Variants in TRAPPC9 observed in about 807,000 individuals in gnomAD.
TRAPPC9 encodes the protein trafficking protein particle complex subunit 9, also known as IKK2 binding protein.
Under a neutral mutation model 124.0 loss-of-function variants are expected in TRAPPC9, and 83 were observed. That is an observed-to-expected ratio of 0.67 (90% confidence interval 0.56 to 0.80). The LOEUF (loss-of-function observed/expected upper bound fraction) is 0.80, where lower values mean the gene tolerates loss of function less well. TRAPPC9 is among the 30% of genes least tolerant of loss of function. The probability of loss-of-function intolerance (pLI) is 0.00; values close to 1 mark genes in which losing one functional copy is unlikely to be tolerated. For synonymous variants in TRAPPC9, 638 were observed against 617.5 expected, an observed-to-expected ratio of 1.03 and a Z score of -0.49; for missense variants, 1,302 against 1,508.3, an observed-to-expected ratio of 0.86 and a Z score of 2.27.
chr8:140,074,321 A>G (rs1248032184), intron 17 of TRAPPC9, among the ~76,000 whole-genome samples: 1 of 152,178 alleles, frequency 6.6e-6, no homozygotes, highest in Non-Finnish European at 1.5e-5. Context: ...TCAGAACTCC[A>G]GTGGTCACAG....
At chr8:140,176,647 CGT>C (rs2062078165) in intron 17 of TRAPPC9, among the ~76,000 whole-genome samples, 1 of 152,160 alleles carries the variant, frequency 6.6e-6, no homozygotes, top group Non-Finnish European at 1.5e-5. Flanking sequence ...TGAGTGAATC[CGT>C]GTTTTCATTT....
At chr8:140,124,517 C>T (rs1025627669) in intron 17 of TRAPPC9, among the ~76,000 whole-genome samples, 1 of 152,242 alleles carries the variant, frequency 6.6e-6, no homozygotes, top group African/African-American at 2.4e-5. Context: ...CACATGTACA[C>T]AAGGTCTGAC....
intron 17 of TRAPPC9, among the ~76,000 whole-genome samples, chr8:140,050,734 G>T (rs1193187929): frequency 6.6e-6 from 1 of 152,154 alleles, no homozygotes; most frequent in Non-Finnish European, 1.5e-5. Flanking sequence ...AAGAAGGGGG[G>T]AAGTAATGAG....
At chr8:139,971,804 CATATATAT>C (rs1340223507) in intron 19 of TRAPPC9, among the ~76,000 whole-genome samples, 1 of 2,200 alleles carries the variant, frequency 4.5e-4, no homozygotes, top group African/African-American at 1.1e-3. Context: ...TATATATATA[CATATATAT>C]ATATACACAC....
intron 20 of TRAPPC9, among the ~76,000 whole-genome samples, chr8:139,892,224 C>G (rs139774553): frequency 6.6e-6 from 1 of 152,232 alleles, no homozygotes; most frequent in Non-Finnish European, 1.5e-5. Context: ...CTGGCCCCCA[C>G]CCCGGCATGG....
chr8:140,254,419 C>G (rs755665849), intron 15 of TRAPPC9, among the ~76,000 whole-genome samples: 1 of 152,232 alleles, frequency 6.6e-6, no homozygotes, highest in Non-Finnish European at 1.5e-5. Flanking sequence ...TGAGTGCAGC[C>G]CACATGGCCC....
intron 19 of TRAPPC9, among the ~76,000 whole-genome samples, chr8:139,947,714 A>C (rs1834315189): frequency 6.6e-6 from 1 of 151,036 alleles, no homozygotes; most frequent in Non-Finnish European, 1.5e-5. Flanking sequence ...AAAAATAAAA[A>C]AAAATTAGCC....
chr8:140,097,664 G>GAA lies in TRAPPC9; in HGVS notation c.2557-73586_2557-73585insTT, dbSNP rs1439279213. ...AGAATGCCCAGCTGGATCTTGGGGT[G>GAA]CACAGCCCCAGCTGTGCCGCTGTCC... On this transcript the variant is annotated intron_variant, in intron 17 of 22. Coordinates refer to ENST00000438773, the MANE Select transcript of TRAPPC9 (RefSeq NM_001160372.4). The surrounding 1 kb of genome is among the most constrained non-coding windows in gnomAD (Gnocchi z 4.2). The GAA allele has an allele frequency of 6.6e-6, 1 of 152,208 alleles. No individual in the cohort carries two copies. 9.4% of individuals were successfully genotyped at this position (152,208 alleles called of 1,614,324 possible). A position where few individuals can be genotyped will look rare whatever the true frequency, so the allele number is the denominator to read the frequency against.
At chr8:140,366,236 C>A (rs1341175332) in intron 8 of TRAPPC9, among the ~76,000 whole-genome samples, 1 of 152,052 alleles carries the variant, frequency 6.6e-6, no homozygotes, top group Non-Finnish European at 1.5e-5. Context: ...ACACACCTGT[C>A]CATGTGTCTT....
At chr8:139,851,371 A>G (rs1827444641) in intron 21 of TRAPPC9, among the ~76,000 whole-genome samples, 1 of 152,186 alleles carries the variant, frequency 6.6e-6, no homozygotes, top group South Asian at 2.1e-4. Flanking sequence ...GCAACTCAAA[A>G]GATAGATGCT....
At chr8:140,453,992 T>G (rs1194474855) in intron 1 of TRAPPC9, among the ~76,000 whole-genome samples, 1 of 152,170 alleles carries the variant, frequency 6.6e-6, no homozygotes, top group African/African-American at 2.4e-5. Flanking sequence ...GGCCTTATTT[T>G]AGAAGTATCA....
chr8:140,232,702 T>A (rs151158734), intron 16 of TRAPPC9, among the ~76,000 whole-genome samples: 1 of 152,312 alleles, frequency 6.6e-6, no homozygotes, highest in Non-Finnish European at 1.5e-5. Context: ...GTCTTTTGTA[T>A]CTTGTTTATA....
At chr8:140,167,276 C>A (rs559265677) in intron 17 of TRAPPC9, among the ~76,000 whole-genome samples, 6 of 152,094 alleles carry the variant, frequency 3.9e-5, no homozygotes, top group South Asian at 2.1e-4. Context: ...AGGACACTGA[C>A]AATTAGGTAA....
intron 21 of TRAPPC9, among the ~76,000 whole-genome samples, chr8:139,803,519 G>A (rs1823715651): frequency 1.3e-5 from 2 of 152,354 alleles, no homozygotes; most frequent in Middle Eastern, 3.4e-3. Context: ...CTCTGTGCAG[G>A]CAGTCAGACC....
intron 4 of TRAPPC9, among the ~76,000 whole-genome samples, chr8:140,431,119 G>A (rs1446048059): frequency 2.6e-5 from 4 of 151,972 alleles, no homozygotes; most frequent in Non-Finnish European, 5.9e-5. Context: ...GCTACATAAC[G>A]GCCATGTCTC....
At chr8:140,295,645 A>G (rs760314897) in intron 11 of TRAPPC9, among the ~76,000 whole-genome samples, 60 of 152,220 alleles carry the variant, frequency 3.9e-4, no homozygotes, top group Non-Finnish European at 7.1e-4. Flanking sequence ...CTCGTGAACT[A>G]TCCCAAGTTA....
chr8:140,076,325 C>T (rs1422869656), intron 17 of TRAPPC9, among the ~76,000 whole-genome samples: 14 of 152,168 alleles, frequency 9.2e-5, no homozygotes, highest in African/African-American at 2.4e-4. Flanking sequence ...GGCCCTTGCT[C>T]GTCAGTGGGC....
At chr8:139,763,374 T>C (rs185284476) in intron 21 of TRAPPC9, among the ~76,000 whole-genome samples, 148 of 152,318 alleles carry the variant, frequency 9.7e-4, no homozygotes, top group African/African-American at 3.3e-3. Context: ...AGAAAACTAA[T>C]TCCTTATTGA....
At chr8:140,051,180 A>G (rs989006598) in intron 17 of TRAPPC9, among the ~76,000 whole-genome samples, 1 of 152,216 alleles carries the variant, frequency 6.6e-6, no homozygotes, top group Non-Finnish European at 1.5e-5. Flanking sequence ...TCCCTCCCTC[A>G]TGCCCATTAG....
Sources: allele counts gnomAD v4.1 joint callset (sites outside exome capture counted in the v4.1 genomes callset), GRCh38; gene constraint gnomAD v4.1.1; non-coding constraint Gnocchi (gnomAD v3.1); transcripts MANE v1.5; gene names NCBI Gene and HGNC (gene_info 2026-07-23, HGNC 2026-07-21).